Variants in CBLB observed in about 807,000 individuals in gnomAD.
CBLB encodes the protein Cbl proto-oncogene B.
CBLB carries 31 observed loss-of-function variants against 104.9 expected under a neutral mutation model. The observed-to-expected ratio is 0.30, with a 90% CI of 0.22 to 0.40. The LOEUF is 0.40. CBLB is among the 10% of genes least tolerant of loss of function. The pLI is 1.00. For missense variants in CBLB, 1,062 were observed against 1,214.6 expected, an observed-to-expected ratio of 0.87 and a Z score of 1.87; for synonymous variants, 440 against 422.6, an observed-to-expected ratio of 1.04 and a Z score of -0.51.
At chr3:105,660,164 AC>A (rs938577307) in intron 18 of CBLB, among the ~76,000 whole-genome samples, 9 of 152,192 alleles carry the variant, frequency 5.9e-5, no homozygotes, top group African/African-American at 2.2e-4. Flanking sequence ...AAAAGCCTAG[AC>A]AAAAAATACA....
At chr3:105,815,862 G>T (rs900261082) in intron 3 of CBLB, among the ~76,000 whole-genome samples, 8 of 152,280 alleles carry the variant, frequency 5.3e-5, no homozygotes, top group Admixed American at 3.9e-4. Flanking sequence ...ATACTATGCA[G>T]CCATAAAAAA....
At chr3:105,731,525 A>AGTAT (rs2074312960) in intron 9 of CBLB, among the ~76,000 whole-genome samples, 1 of 152,218 alleles carries the variant, frequency 6.6e-6, no homozygotes, top group African/African-American at 2.4e-5. Context: ...TCTTTTAAGA[A>AGTAT]GTATATAGAA....
In CBLB at chr3:105,829,683, AAAAAAAAAAAAAAAAAAAC is replaced by A. The variant is rs2087156990; in HGVS notation, c.419+23712_419+23730del. 4.6e-5 allele frequency among the ~76,000 whole-genome samples: 4 copies of A among 86,676 alleles called. 1 individual carries two copies. Among genetic ancestry groups the A allele is most frequent in the African/African-American group, 9.3e-5 (2 of 21,494 alleles). 56.9% of individuals were successfully genotyped at this position (86,676 alleles called of 152,430 possible). On this transcript the variant is annotated intron_variant, in intron 3 of 18. Coordinates refer to ENST00000394030, the MANE Select transcript of CBLB (RefSeq NM_170662.5). ...GACCGTCCCAAAAAAAAAAAAAAAA[AAAAAAAAAAAAAAAAAAAC>A]CAAACTGCAGCTATCTTCATAATAA...
Position 105,868,845 on chromosome 3 carries a change from C to A in CBLB, c.-124G>T, listed in dbSNP as rs1367928889. 9.9e-7 allele frequency: 1 copy of A among 1,008,708 alleles called. No homozygotes were observed. Among genetic ancestry groups the A allele is most frequent in the East Asian group, 1.1e-4 (1 of 8,952 alleles). The allele number at this position is 1,008,708 out of a possible 1,614,324, so 62.5% of individuals were successfully genotyped here. A position where few individuals can be genotyped will look rare whatever the true frequency, so the allele number is the denominator to read the frequency against. ...CGGCTGGGAGTGGGATCGCTGAGAACAGCTCGCTCCCGAAGAAGGAGCAAC... is the reference window on the plus strand; with the variant it reads ...CGGCTGGGAGTGGGATCGCTGAGAAAAGCTCGCTCCCGAAGAAGGAGCAAC... On this transcript the variant is annotated 5_prime_UTR_variant, in exon 1 of 19. Coordinates refer to ENST00000394030, the MANE Select transcript of CBLB (RefSeq NM_170662.5).
intron 3 of CBLB, among the ~76,000 whole-genome samples, chr3:105,850,719 C>A (rs1050246246): frequency 6.6e-6 from 1 of 152,122 alleles, no homozygotes. Flanking sequence ...TGGTTGATGT[C>A]AATTCAGTCT....
chr3:105,747,056 C>T (rs2076169061), intron 5 of CBLB, among the ~76,000 whole-genome samples: 1 of 152,142 alleles, frequency 6.6e-6, no homozygotes, highest in African/African-American at 2.4e-5. Context: ...TTGGTTTGTA[C>T]CACTGTATCA....
At chr3:105,821,664 C>A (rs1225596980) in intron 3 of CBLB, among the ~76,000 whole-genome samples, 1 of 152,190 alleles carries the variant, frequency 6.6e-6, no homozygotes, top group Non-Finnish European at 1.5e-5. Flanking sequence ...AATCATCCAA[C>A]CTATGACCCT....
rs371614498 is a variant in CBLB at position 105,666,393 on chromosome 3, T to C, written c.2689+3840A>G. Among the ~76,000 whole-genome samples the C allele has an allele frequency of 3.1e-4, 47 of 152,230 alleles. No homozygotes were observed. The East Asian group carries it at 6.0e-3, about 19-fold the overall frequency. On this transcript the variant is annotated intron_variant, in intron 18 of 18. Coordinates refer to ENST00000394030, the MANE Select transcript of CBLB (RefSeq NM_170662.5). ...CCATAAGGTTGAATTACTGCCTCTA[T>C]AGAAATACTGCTGGCCACGCGCAGT... is the stretch of plus-strand genomic sequence containing the variant.
intron 9 of CBLB, chr3:105,724,092 GA>G: frequency 5.7e-6 from 1 of 174,668 alleles, no homozygotes; most frequent in East Asian, 9.8e-5. Context: ...ATTATAACTG[GA>G]AAAATTATAT....
At chr3:105,805,154 T>A (rs1481067921) in intron 3 of CBLB, among the ~76,000 whole-genome samples, 1 of 152,158 alleles carries the variant, frequency 6.6e-6, no homozygotes, top group Admixed American at 6.5e-5. Context: ...GTCAGATCAC[T>A]TCATTTACCT....
intron 10 of CBLB, among the ~76,000 whole-genome samples, chr3:105,712,503 C>T (rs1559921054): frequency 1.3e-5 from 2 of 152,144 alleles, no homozygotes; most frequent in Non-Finnish European, 2.9e-5. Context: ...TGAAAAAATG[C>T]TTTCATGTGA....
chr3:105,861,136 C>CAA (rs367546523), intron 2 of CBLB, among the ~76,000 whole-genome samples: 5 of 138,582 alleles, frequency 3.6e-5, no homozygotes, highest in Non-Finnish European at 7.8e-5. Flanking sequence ...TACTTAAAAA[C>CAA]AAAAAAAACC....
In CBLB at chr3:105,685,422, T is replaced by G; in HGVS notation, c.2099A>C (p.Asp700Ala). ...LANSLSEKTR[D>A]PVEEDDDEYK... The stretch of plus-strand genomic sequence containing the variant: ...TTCATCATCATCTTCCTCTACTGGG[T>G]CTCTTGTTTTCTCTGAAAGAGAATT... Residue 700 changes from aspartate (D) to alanine (A), a missense_variant, in exon 14 of 19, where the codon GAC becomes GCC. Physicochemically the swap from Asp to Ala is moderately radical, Grantham distance 126. Around this residue, in one of 2 missense-constraint regions of CBLB, gnomAD observed 605 missense variants for 582.6 expected, o/e 1.04. Coordinates refer to ENST00000394030, the MANE Select transcript of CBLB (RefSeq NM_170662.5). 1 of 1,612,880 alleles carries G rather than the reference T, an allele frequency of 6.2e-7. No individual in the cohort carries two copies. Among genetic ancestry groups the G allele is most frequent in the Non-Finnish European group, 8.5e-7 (1 of 1,179,020 alleles).
At chr3:105,856,810 G>A (rs575285545) in intron 2 of CBLB, among the ~76,000 whole-genome samples, 2 of 152,134 alleles carry the variant, frequency 1.3e-5, no homozygotes, top group Admixed American at 1.3e-4. Flanking sequence ...GGCTGACAGA[G>A]CTTTTTTTAC....
intron 11 of CBLB, 42 bp from the exon 12 acceptor site, chr3:105,702,501 T>TAAAAAAAAAAAAAAAA (rs1553727160): frequency 2.2e-6 from 2 of 903,586 alleles, no homozygotes; most frequent in African/African-American, 2.6e-5. Context: ...AAAAAAAAAC[T>TAAAAAAAAAAAAAAAA]AAAGGTTGTA....
At chr3:105,665,556 TTATATC>T (rs2064344548) in intron 18 of CBLB, among the ~76,000 whole-genome samples, 1 of 146,746 alleles carries the variant, frequency 6.8e-6, no homozygotes, top group Admixed American at 6.8e-5. Flanking sequence ...AAATTTATAT[TTATATC>T]TATACCATAT....
intron 3 of CBLB, among the ~76,000 whole-genome samples, chr3:105,785,158 T>A (rs1186562918): frequency 6.6e-6 from 1 of 152,228 alleles, no homozygotes; most frequent in Non-Finnish European, 1.5e-5. Flanking sequence ...CTTACACCTG[T>A]AACAACTTCT....
chr3:105,667,681 G>T (rs2064624896), intron 18 of CBLB, among the ~76,000 whole-genome samples: 1 of 152,074 alleles, frequency 6.6e-6, no homozygotes, highest in African/African-American at 2.4e-5. Context: ...ATACTTTTTA[G>T]ATAAGAAAAC....
At chr3:105,782,402 T>G (rs1479383315) in intron 3 of CBLB, among the ~76,000 whole-genome samples, 2 of 152,058 alleles carry the variant, frequency 1.3e-5, no homozygotes, top group African/African-American at 4.8e-5. Flanking sequence ...TAAAAGAAAT[T>G]TAGCAAACTA....
Sources: gnomAD v4.1 joint callset for allele counts (sites outside exome capture counted in the v4.1 genomes callset) on GRCh38, gnomAD v4.1.1 for gene constraint, gnomAD v4.1.1 regional missense constraint, MANE v1.5 for transcripts, NCBI Gene and HGNC (gene_info 2026-07-23, HGNC 2026-07-21) for gene names.